Variants in QTMAN observed in about 807,000 individuals in gnomAD.
QTMAN encodes the protein queuosine-tRNA mannosyltransferase.
At chr2:143,983,184 C>T in the QTMAN span, among the ~76,000 whole-genome samples, 1 of 152,090 alleles carries the variant, frequency 6.6e-6, no homozygotes, top group Non-Finnish European at 1.5e-5. Context: ...ACTTAATTTC[C>T]TCATCTGTAG....
chr2:144,291,693 G>C, the QTMAN span, among the ~76,000 whole-genome samples: 1 of 152,194 alleles, frequency 6.6e-6, no homozygotes, highest in African/African-American at 2.4e-5. Context: ...CTACCACATA[G>C]GTTTGAAATA....
the QTMAN span, among the ~76,000 whole-genome samples, chr2:144,118,891 A>C: frequency 6.6e-6 from 1 of 152,240 alleles, no homozygotes; most frequent in South Asian, 2.1e-4. Context: ...AAAATAAATA[A>C]ATAAATAAAT....
the QTMAN span, among the ~76,000 whole-genome samples, chr2:144,303,807 T>C: frequency 6.6e-6 from 1 of 152,146 alleles, no homozygotes; most frequent in Non-Finnish European, 1.5e-5. Flanking sequence ...AGCAATGAAC[T>C]ATGATCCCTA....
chr2:144,252,615 A>G, the QTMAN span, among the ~76,000 whole-genome samples: 5 of 152,230 alleles, frequency 3.3e-5, no homozygotes, highest in African/African-American at 9.6e-5. Context: ...GTAGAGCAAA[A>G]AGAACATTGC....
chr2:143,986,774 T>C, the QTMAN span, among the ~76,000 whole-genome samples: 4 of 152,244 alleles, frequency 2.6e-5, no homozygotes, highest in East Asian at 7.7e-4. Context: ...ATTACTGTGC[T>C]TTAATCTAAA....
the QTMAN span, among the ~76,000 whole-genome samples, chr2:144,184,007 C>T: frequency 1.3e-5 from 2 of 152,096 alleles, no homozygotes; most frequent in East Asian, 3.9e-4. Flanking sequence ...GCAATACGCA[C>T]GGCTCGTGGG....
At chr2:144,145,223 TGATTAATAAGTAA>T in the QTMAN span, among the ~76,000 whole-genome samples, 6 of 151,820 alleles carry the variant, frequency 4.0e-5, no homozygotes, top group Non-Finnish European at 7.4e-5. Context: ...ACAGTGATCG[TGATTAATAAGTAA>T]GAGTTGACTA....
the QTMAN span, among the ~76,000 whole-genome samples, chr2:144,020,996 AAGG>A: frequency 1.3e-5 from 2 of 152,028 alleles, no homozygotes; most frequent in Non-Finnish European, 2.9e-5. Context: ...AAACAAAAAT[AAGG>A]AGGATGGGAA....
At chr2:144,033,717 A>G in the QTMAN span, among the ~76,000 whole-genome samples, 26 of 152,284 alleles carry the variant, frequency 1.7e-4, no homozygotes, top group East Asian at 5.0e-3. Context: ...CCCTCGGTCA[A>G]CCAGCCCCTC....
chr2:144,148,747 C>G, the QTMAN span, among the ~76,000 whole-genome samples: 1 of 151,754 alleles, frequency 6.6e-6, no homozygotes, highest in African/African-American at 2.4e-5. Context: ...AGAAAACCTC[C>G]CAAATAAAAG....
the QTMAN span, among the ~76,000 whole-genome samples, chr2:144,289,607 C>T: frequency 6.6e-6 from 1 of 152,038 alleles, no homozygotes. Context: ...AGCTGTTTAA[C>T]CCAAAAGTCA....
the QTMAN span, among the ~76,000 whole-genome samples, chr2:144,281,357 A>G: frequency 1.3e-5 from 2 of 149,824 alleles, no homozygotes; most frequent in African/African-American, 4.9e-5. Flanking sequence ...GATATACAAA[A>G]TATTTATACA....
chr2:144,102,927 G>A, the QTMAN span, among the ~76,000 whole-genome samples: 1 of 152,194 alleles, frequency 6.6e-6, no homozygotes, highest in Non-Finnish European at 1.5e-5. Context: ...TGAGGGGAGT[G>A]CAGCTTCATT....
At chr2:144,071,736 T>C in the QTMAN span, among the ~76,000 whole-genome samples, 1 of 152,182 alleles carries the variant, frequency 6.6e-6, no homozygotes, top group African/African-American at 2.4e-5. Context: ...CTATGTCAAA[T>C]TCTATACTCT....
At chr2:144,046,232 G>C in the QTMAN span, among the ~76,000 whole-genome samples, 1 of 152,188 alleles carries the variant, frequency 6.6e-6, no homozygotes, top group Non-Finnish European at 1.5e-5. Context: ...AATATTATCA[G>C]ATCAAAAGGC....
the QTMAN span, among the ~76,000 whole-genome samples, chr2:143,968,813 C>T: frequency 1.3e-5 from 2 of 152,180 alleles, no homozygotes; most frequent in African/African-American, 4.8e-5. Context: ...GAGAACATCC[C>T]TCTCATACAG....
At chr2:144,131,959 C>A in the QTMAN span, among the ~76,000 whole-genome samples, 1 of 151,760 alleles carries the variant, frequency 6.6e-6, no homozygotes, top group African/African-American at 2.4e-5. Flanking sequence ...TATGATTATG[C>A]CCAAAGCTTG....
the QTMAN span, among the ~76,000 whole-genome samples, chr2:144,090,732 G>C: frequency 1.3e-5 from 2 of 151,938 alleles, no homozygotes; most frequent in Non-Finnish European, 2.9e-5. Context: ...TATATTCATG[G>C]ATCAGAAGAT....
the QTMAN span, among the ~76,000 whole-genome samples, chr2:144,113,218 T>C: frequency 6.6e-6 from 1 of 151,406 alleles, no homozygotes; most frequent in Non-Finnish European, 1.5e-5. Flanking sequence ...CTGAAACAAG[T>C]GAAACAGAAA....
Sources: gnomAD v4.1 joint callset for allele counts (sites outside exome capture counted in the v4.1 genomes callset) on GRCh38, gnomAD v4.1.1 for gene constraint, MANE v1.5 for transcripts, NCBI Gene and HGNC (gene_info 2026-07-23, HGNC 2026-07-21) for gene names.